Variants in NCKAP5 observed in about 807,000 individuals in gnomAD.
NCKAP5 encodes nck-associated protein 5.
Under a neutral mutation model 167.0 loss-of-function variants are expected in NCKAP5, and 92 were observed. That is an observed-to-expected ratio of 0.55 (90% CI 0.47 to 0.66). The LOEUF (loss-of-function observed/expected upper bound fraction) is 0.66, where lower values mean the gene tolerates loss of function less well. NCKAP5 is among the 30% of genes least tolerant of loss of function. The pLI is 0.00. For missense variants in NCKAP5, 2,378 were observed against 2,315.0 expected (o/e 1.03, Z -0.56); for synonymous variants, 891 against 877.4 (o/e 1.02, Z -0.27).
At chr2:133,617,962 A>T in the NCKAP5 span, among the ~76,000 whole-genome samples, 22 of 152,168 alleles carry the variant, frequency 1.4e-4, no homozygotes, top group African/African-American at 5.1e-4. Flanking sequence ...AGAGATATAG[A>T]TCAATGGAAC....
At position 132,889,840 on chromosome 2, in the gene NCKAP5, A is replaced by T. The variant is rs114580213; in HGVS notation, c.580-10924T>A. On this transcript the variant is annotated intron_variant, in intron 8 of 19. Transcript: ENST00000409261. ...AACCTTGGGTTCAACAATGGCAAAA[A>T]AAATAAATAAATAAAATAACAAACT... Among the ~76,000 whole-genome samples the T allele has an allele frequency of 3.2e-4, 48 of 152,342 alleles. 1 individual carries two copies. In the South Asian group the frequency reaches 4.4e-3, roughly 14 times the overall value.
the NCKAP5 span, among the ~76,000 whole-genome samples, chr2:133,623,757 A>T: frequency 6.6e-6 from 1 of 152,200 alleles, no homozygotes. Context: ...AACTAAAAGT[A>T]GATCTACCAT....
At chr2:133,388,406 G>A (rs915165680) in intron 3 of NCKAP5, among the ~76,000 whole-genome samples, 13 of 152,284 alleles carry the variant, frequency 8.5e-5, no homozygotes, top group East Asian at 3.9e-4. Context: ...TGGAGGTTTC[G>A]TCTCAGAGGG....
chr2:133,287,606 C>T (rs533485238), intron 4 of NCKAP5, among the ~76,000 whole-genome samples: 2 of 152,286 alleles, frequency 1.3e-5, no homozygotes, highest in African/African-American at 4.8e-5. Flanking sequence ...TGATGTGTAA[C>T]AGAAGTGTAA....
chr2:133,440,167 C>T (rs1690744082), intron 3 of NCKAP5, among the ~76,000 whole-genome samples: 1 of 152,172 alleles, frequency 6.6e-6, no homozygotes, highest in Admixed American at 6.5e-5. Flanking sequence ...TGGTACTTCT[C>T]CAAATGCAGT....
intron 3 of NCKAP5, among the ~76,000 whole-genome samples, chr2:133,414,073 T>A (rs1688949922): frequency 6.6e-6 from 1 of 152,158 alleles, no homozygotes; most frequent in African/African-American, 2.4e-5. Context: ...GAAGAACCAC[T>A]TAGGATGGGT....
intron 6 of NCKAP5, among the ~76,000 whole-genome samples, chr2:133,007,258 A>G (rs369724631): frequency 1.3e-5 from 2 of 152,210 alleles, no homozygotes; most frequent in East Asian, 1.9e-4. Flanking sequence ...AATAAGACAA[A>G]ATAAAAAATG....
chr2:132,773,566 T>C (rs184248769), intron 16 of NCKAP5, among the ~76,000 whole-genome samples: 120 of 152,364 alleles, frequency 7.9e-4, no homozygotes, highest in African/African-American at 2.7e-3. Context: ...TTTCATTTCA[T>C]ATTGACAAAT....
intron 16 of NCKAP5, among the ~76,000 whole-genome samples, chr2:132,757,079 C>A (rs1340326171): frequency 6.6e-6 from 1 of 152,152 alleles, no homozygotes; most frequent in Non-Finnish European, 1.5e-5. Flanking sequence ...AACAATGTTT[C>A]ATAACCTAGT....
Position 133,537,154 on chromosome 2 carries a change from G to A in NCKAP5, c.-61-19567C>T, listed in dbSNP as rs1023688292. ...GCACTCTTAATTCTCTACCTGTGAT[G>A]TATATGTCTAGCCTTATGTCAGCAC... On this transcript the variant is annotated intron_variant, in intron 2 of 19. Transcript: ENST00000409261. 2.6e-5 allele frequency among the ~76,000 whole-genome samples: 4 copies of A among 152,168 alleles called. No homozygotes were observed. The South Asian group carries it at 8.3e-4, about 32-fold the overall frequency.
chr2:132,989,287 C>G (rs1487077119), intron 7 of NCKAP5, among the ~76,000 whole-genome samples: 5 of 152,168 alleles, frequency 3.3e-5, no homozygotes, highest in Admixed American at 1.3e-4. Context: ...TTAATTGCCC[C>G]CTTTCATGTC....
At chr2:133,201,327 C>T (rs531178802) in intron 5 of NCKAP5, among the ~76,000 whole-genome samples, 95 of 152,250 alleles carry the variant, frequency 6.2e-4, no homozygotes, top group African/African-American at 2.2e-3. Context: ...TTTCAGACTA[C>T]AGCTAGACAC....
At chr2:132,746,818 C>T (rs1056405700) in intron 16 of NCKAP5, among the ~76,000 whole-genome samples, 3 of 152,086 alleles carry the variant, frequency 2.0e-5, no homozygotes, top group Non-Finnish European at 2.9e-5. Context: ...ACTGATACAA[C>T]ATGGATGACC....
At chr2:132,686,035 C>G (rs1408707272) in intron 19 of NCKAP5, among the ~76,000 whole-genome samples, 22 of 152,072 alleles carry the variant, frequency 1.4e-4, no homozygotes, top group Admixed American at 1.4e-3. Flanking sequence ...AAGGCAAGCT[C>G]AGGAATCAAT....
chr2:133,278,261 C>A (rs1324377436), intron 4 of NCKAP5, among the ~76,000 whole-genome samples: 1 of 152,142 alleles, frequency 6.6e-6, no homozygotes, highest in Non-Finnish European at 1.5e-5. Flanking sequence ...GATTAGAAGC[C>A]CCACAGGCCT....
rs1364207892 is a variant in NCKAP5 at position 132,860,501 on chromosome 2, C to G, written c.798G>C (p.Leu266=). Residue 266 remains leucine, a synonymous_variant, in exon 11 of 20, where the codon CTG becomes CTC. Coordinates refer to ENST00000409261, the MANE Select transcript of NCKAP5 (RefSeq NM_207363.3). ...CCAGATAAACACATACCTGGAGGAG[C>G]AGATCAGAAGTGGGTCTGACTCGCT... ...FQQRVRPTSD[L]LLQKLHSRLL... 5 of 1,573,910 alleles carry G rather than the reference C, an allele frequency of 3.2e-6. No homozygotes were observed. The highest frequency in any genetic ancestry group is 4.3e-6 in the Non-Finnish European group (5 of 1,157,386).
chr2:132,893,561 A>C (rs1021420358), intron 8 of NCKAP5, among the ~76,000 whole-genome samples: 6 of 152,238 alleles, frequency 3.9e-5, no homozygotes, highest in African/African-American at 1.4e-4. Context: ...CACACACACA[A>C]AATCTTCCAA....
intron 6 of NCKAP5, among the ~76,000 whole-genome samples, chr2:133,008,238 A>C (rs1573721138): frequency 6.6e-6 from 1 of 151,288 alleles, no homozygotes; most frequent in African/African-American, 2.4e-5. Flanking sequence ...CTCTTCTCTC[A>C]CCTCCCAGCT....
chr2:133,104,120 A>G (rs924761320), intron 6 of NCKAP5, among the ~76,000 whole-genome samples: 1 of 152,082 alleles, frequency 6.6e-6, no homozygotes, highest in African/African-American at 2.4e-5. Flanking sequence ...AAATCATTAC[A>G]GAATGGGGAA....
Sources: gnomAD v4.1 joint callset for allele counts (sites outside exome capture counted in the v4.1 genomes callset) on GRCh38, gnomAD v4.1.1 for gene constraint, MANE v1.5 for transcripts, NCBI Gene and HGNC (gene_info 2026-07-23, HGNC 2026-07-21) for gene names.